The following CACNA1I variants were observed in gnomAD, a reference collection of about 807,000 sequenced individuals.
CACNA1I encodes voltage-dependent T-type calcium channel subunit alpha-1I.
A neutral mutation model predicts 201.6 loss-of-function variants in CACNA1I; 74 were observed. The observed-to-expected ratio is 0.37, with a 90% CI of 0.30 to 0.45. CACNA1I has a LOEUF of 0.45. Among genes scored for constraint, CACNA1I ranks in the 20% least tolerant of loss-of-function variants. The probability of loss-of-function intolerance (pLI) is 1.00; values close to 1 mark genes in which losing one functional copy is unlikely to be tolerated. For missense variants in CACNA1I, 2,346 were observed against 3,138.1 expected, an observed-to-expected ratio of 0.75 and a Z score of 6.03; for synonymous variants, 1,431 against 1,345.2, an observed-to-expected ratio of 1.06 and a Z score of -1.40.
chr22:39,659,203 T>C lies in CACNA1I; in HGVS notation c.2330+87T>C. 6.6e-7 allele frequency: 1 copy of C among 1,516,510 alleles called. No homozygotes were observed. Among genetic ancestry groups the C allele is most frequent in the Non-Finnish European group, 9.0e-7 (1 of 1,115,396 alleles). The allele number at this position is 1,516,510 out of a possible 1,614,324, so 93.9% of individuals were successfully genotyped here. On this transcript the variant is annotated intron_variant, in intron 12 of 36. Transcript: ENST00000402142. This position sits in a 1 kb window ranked among gnomAD's most constrained non-coding sequence, Gnocchi z 4.3. Reference sequence around the variant, plus strand: ...GGGGATGTGGTCCACTGTGCTTCTCTGGACAAAGCCACCTGGACCTGGGTG... The same window carrying C: ...GGGGATGTGGTCCACTGTGCTTCTCCGGACAAAGCCACCTGGACCTGGGTG...
At chr22:39,642,501 G>T (rs913102561) in intron 6 of CACNA1I, among the ~76,000 whole-genome samples, 1 of 152,194 alleles carries the variant, frequency 6.6e-6, no homozygotes, top group Non-Finnish European at 1.5e-5. Flanking sequence ...GCAGGGGCAG[G>T]CTCCCTGCTT....
chr22:39,644,717 T>C (rs1490713668), intron 7 of CACNA1I, among the ~76,000 whole-genome samples: 1 of 152,012 alleles, frequency 6.6e-6, no homozygotes, highest in Admixed American at 6.6e-5. Flanking sequence ...AGACAAGGTC[T>C]GGCTCTGTTG....
chr22:39,662,462 C>G, intron 17 of CACNA1I, 27 bp downstream of exon 17: 4 of 1,385,030 alleles, frequency 2.9e-6, no homozygotes, highest in Non-Finnish European at 3.8e-6. Flanking sequence ...CCGAAGGGGA[C>G]CTGGTGCGGT....
intron 3 of CACNA1I, among the ~76,000 whole-genome samples, chr22:39,609,705 T>C (rs1007142897): frequency 6.6e-6 from 1 of 152,250 alleles, no homozygotes; most frequent in African/African-American, 2.4e-5. Context: ...GAAAGCATCA[T>C]TGAACTTGGC....
chr22:39,577,900 G>A (rs144728030), intron 1 of CACNA1I, among the ~76,000 whole-genome samples: 12 of 152,376 alleles, frequency 7.9e-5, no homozygotes, highest in East Asian at 5.8e-4. Flanking sequence ...CTTGCTGAGC[G>A]TCTGTTTGCT....
At chr22:39,601,724 G>T (rs1933036980) in intron 3 of CACNA1I, among the ~76,000 whole-genome samples, 1 of 151,750 alleles carries the variant, frequency 6.6e-6, no homozygotes, top group Non-Finnish European at 1.5e-5. Flanking sequence ...TCAGGTATCT[G>T]CTAAATTCCA....
intron 1 of CACNA1I, among the ~76,000 whole-genome samples, chr22:39,588,051 C>T (rs1932777304): frequency 6.6e-6 from 1 of 151,654 alleles, no homozygotes; most frequent in South Asian, 2.1e-4. Context: ...GCTGGGATTA[C>T]AGGTAAGACA....
intron 4 of CACNA1I, among the ~76,000 whole-genome samples, chr22:39,631,612 T>G (rs1459662882): frequency 2.0e-5 from 3 of 152,236 alleles, no homozygotes; most frequent in African/African-American, 7.2e-5. Context: ...AAGGATGGTT[T>G]GAGGCAGATG....
rs758417253 is a variant in CACNA1I at position 39,677,949 on chromosome 22, C to A, written c.4934-38C>A. 1.3e-6 allele frequency: 2 copies of A among 1,550,418 alleles called. No individual in the cohort carries two copies. The highest frequency in any genetic ancestry group is 2.4e-5 in the South Asian group (2 of 83,206). On this transcript the variant is annotated intron_variant, in intron 30 of 36. Transcript: ENST00000402142. This position sits in a 1 kb window ranked among gnomAD's most constrained non-coding sequence, Gnocchi z 4.8. ...GGTCAGGGTGAGCCCCGCAGGCACT[C>A]CGCCATCGGGCAGGGCTGACCTCCT...
chr22:39,646,776 G>T lies in CACNA1I; in HGVS notation c.1357G>T (p.Ala453Ser). 6.3e-7 allele frequency: 1 copy of T among 1,578,482 alleles called. No homozygotes were observed. Among genetic ancestry groups the T allele is most frequent in the Non-Finnish European group, 8.6e-7 (1 of 1,162,686 alleles). ...CHILRKAKRR[A>S]LGLYQALQSR... is the part of the protein sequence containing the mutation. Reference sequence around the variant, plus strand: ...CATCCTGCGCAAGGCCAAGCGCCGCGCCCTGGGCCTCTACCAGGCCCTGCA... The same window carrying T: ...CATCCTGCGCAAGGCCAAGCGCCGCTCCCTGGGCCTCTACCAGGCCCTGCA... The change falls in exon 8 of 37, where the codon GCC becomes TCC. Residue 453 changes from alanine to serine, a missense_variant. Physicochemically the swap from Ala to Ser is moderately conservative, Grantham distance 99. Coordinates refer to ENST00000402142, the MANE Select transcript of CACNA1I (RefSeq NM_021096.4).
At chr22:39,680,554 C>T (rs1027229688) in intron 33 of CACNA1I, among the ~76,000 whole-genome samples, 1 of 152,204 alleles carries the variant, frequency 6.6e-6, no homozygotes, top group African/African-American at 2.4e-5. Flanking sequence ...GCCTGTGACA[C>T]GCTGTGCAGG....
rs752458532 is a variant in CACNA1I, at chr22:39,662,100, G to A, written c.3037G>A (p.Gly1013Ser). ...HESLLSAERG[G>S]GARVCEVAAD... ...GTCCCTGCTCTCTGCGGAGCGCGGC[G>A]GCGGCGCCCGGGTCTGCGAGGTTGC... is the stretch of plus-strand genomic sequence containing the variant. Residue 1013 changes from glycine (G) to serine (S), a missense_variant, in exon 17 of 37, where the codon GGC becomes AGC. Physicochemically the swap from Gly to Ser is moderately conservative, Grantham distance 56. Transcript: ENST00000402142. 35 of 1,527,220 alleles carry A rather than the reference G, an allele frequency of 2.3e-5. No homozygotes were observed. Among genetic ancestry groups the A allele is most frequent in the African/African-American group, 1.0e-4 (7 of 70,012 alleles). 94.6% of individuals were successfully genotyped at this position (1,527,220 alleles called of 1,614,324 possible).
chr22:39,649,713 G>A lies in CACNA1I; in HGVS notation c.1780G>A (p.Ala594Thr), dbSNP rs59010602. Reference sequence around the variant, plus strand: ...CGAGGACGAGGCGGATGGGGACGGGGCCCGGAGCAGCGAGGACGGAGCCTC... The same window carrying A: ...CGAGGACGAGGCGGATGGGGACGGGACCCGGAGCAGCGAGGACGGAGCCTC... ...GGEDEADGDG[A>T]RSSEDGASSE... Residue 594 changes from alanine to threonine, a missense_variant, in exon 10 of 37, where the codon GCC (alanine) becomes ACC (threonine). Physicochemically the swap from Ala to Thr is moderately conservative, Grantham distance 58 (BLOSUM62 0). Around this residue, in one of 13 missense-constraint regions of CACNA1I, gnomAD observed 312 missense variants for 331.5 expected, o/e 0.94. Coordinates refer to ENST00000402142, the MANE Select transcript of CACNA1I (RefSeq NM_021096.4). This position sits in a 1 kb window ranked among gnomAD's most constrained non-coding sequence, Gnocchi z 7.3. 2.6e-6 allele frequency: 4 copies of A among 1,530,732 alleles called. No individual in the cohort carries two copies. The East Asian group carries it at 9.8e-5, about 37-fold the overall frequency. The allele number at this position is 1,530,732 out of a possible 1,614,324, so 94.8% of individuals were successfully genotyped here. A position where few individuals can be genotyped will look rare whatever the true frequency, so the allele number is the denominator to read the frequency against.
intron 4 of CACNA1I, among the ~76,000 whole-genome samples, chr22:39,632,270 G>C (rs755716254): frequency 3.3e-5 from 5 of 152,142 alleles, no homozygotes; most frequent in Admixed American, 1.3e-4. Flanking sequence ...TCCTGCCCCT[G>C]TCCTGGCCTC....
intron 3 of CACNA1I, among the ~76,000 whole-genome samples, chr22:39,609,760 G>A (rs185436073): frequency 6.6e-6 from 1 of 152,338 alleles, no homozygotes; most frequent in African/African-American, 2.4e-5. Flanking sequence ...AAGATCACAA[G>A]AGAGAGAACG....
chr22:39,598,376 T>C, intron 2 of CACNA1I, 114 bp downstream of exon 2: 1 of 600,272 alleles, frequency 1.7e-6, no homozygotes, highest in South Asian at 1.8e-5. Context: ...GCCCACTCCA[T>C]GCCCCGCCCC....
chr22:39,629,574 G>A lies in CACNA1I; in HGVS notation c.581-4991G>A, dbSNP rs745335234. On this transcript the variant is annotated intron_variant, in intron 4 of 36. Coordinates refer to ENST00000402142, the MANE Select transcript of CACNA1I (RefSeq NM_021096.4). This position sits in a 1 kb window ranked among gnomAD's most constrained non-coding sequence, Gnocchi z 4.8. ...GCAGGACGGAGAGGAGCAGGGGGAC[G>A]GAAGGCCCAATCATCAGGCCGTGAG... Among the ~76,000 whole-genome samples the A allele has an allele frequency of 6.6e-6, 1 of 152,144 alleles. No homozygotes were observed. The highest frequency in any genetic ancestry group is 1.5e-5 in the Non-Finnish European group (1 of 68,014).
chr22:39,662,759 C>T lies in CACNA1I; in HGVS notation c.3373-17C>T, dbSNP rs185735989. 8 of 1,544,186 alleles carry T rather than the reference C, an allele frequency of 5.2e-6. No individual in the cohort carries two copies. The highest frequency in any genetic ancestry group is 2.0e-4 in the Middle Eastern group (1 of 4,920). On this transcript the variant is annotated splice_polypyrimidine_tract_variant and intron_variant, in intron 17 of 36. Coordinates refer to ENST00000402142, the MANE Select transcript of CACNA1I (RefSeq NM_021096.4). ...TGCGCATCGCTGACCCCCGGCGCTC[C>T]GTCCTCCTCTTGCTAGACCCTGTGC...
chr22:39,645,649 C>T (rs1445698843), intron 7 of CACNA1I, among the ~76,000 whole-genome samples: 2 of 152,196 alleles, frequency 1.3e-5, no homozygotes, highest in Non-Finnish European at 2.9e-5. Flanking sequence ...GATGAGGCTG[C>T]AGCCATGGAG....
Sources: gnomAD v4.1 joint callset for allele counts (sites outside exome capture counted in the v4.1 genomes callset) on GRCh38, gnomAD v4.1.1 for gene constraint, gnomAD v4.1.1 regional missense constraint, Gnocchi (gnomAD v3.1) non-coding constraint, MANE v1.5 for transcripts, NCBI Gene and HGNC (gene_info 2026-07-23, HGNC 2026-07-21) for gene names.